DCHS2: variants seen among roughly 807,000 people sequenced by gnomAD.
DCHS2 encodes the protein protocadherin-23.
DCHS2 carries 142 observed loss-of-function variants against 182.4 expected under a neutral mutation model. The ratio of observed to expected loss-of-function variants is 0.78; its 90% CI spans 0.68 to 0.89. The LOEUF (loss-of-function observed/expected upper bound fraction) is 0.89. Ranked by LOEUF, DCHS2 falls within the 40% of genes least tolerant of loss-of-function variation. The pLI is 0.00. For missense variants in DCHS2, 4,319 were observed against 4,198.6 expected, an observed-to-expected ratio of 1.03 and a Z score of -0.79; for synonymous variants, 1,740 against 1,663.3, an observed-to-expected ratio of 1.05 and a Z score of -1.12.
chr4:154,378,225 A>G (rs1489952858), intron 1 of DCHS2, among the ~76,000 whole-genome samples: 3 of 152,144 alleles, frequency 2.0e-5, no homozygotes, highest in Non-Finnish European at 4.4e-5. Flanking sequence ...AGCAAGTGAA[A>G]TTATGAAAGC....
chr4:154,253,794 C>T (rs961420500), intron 16 of DCHS2, among the ~76,000 whole-genome samples: 1 of 152,108 alleles, frequency 6.6e-6, no homozygotes, highest in Non-Finnish European at 1.5e-5. Flanking sequence ...GGTAATTAAT[C>T]CAATATAGCC....
At position 154,235,922 on chromosome 4, in the gene DCHS2, A is replaced by G. The variant is rs1578833163; in HGVS notation, c.8730T>C (p.Gly2910=). Residue 2910 remains glycine, a synonymous_variant, in exon 20 of 20, where the codon GGT becomes GGC. Transcript: ENST00000357232. Reference sequence around the variant, plus strand: ...GGGAGTAAAGAATGACTCCATCAATACCAGCATCTGCATCTGAGGCTTCCA... The same window carrying G: ...GGGAGTAAAGAATGACTCCATCAATGCCAGCATCTGCATCTGAGGCTTCCA... ...GRVEASDADA[G]IDGVILYSLG... is the part of the protein sequence containing the mutation. 1 of 1,614,038 alleles carries G rather than the reference A, an allele frequency of 6.2e-7. No individual in the cohort carries two copies. Among genetic ancestry groups the G allele is most frequent in the Non-Finnish European group, 8.5e-7 (1 of 1,179,954 alleles).
chr4:154,453,434 T>A (rs1232645547), intron 1 of DCHS2, among the ~76,000 whole-genome samples: 3 of 151,960 alleles, frequency 2.0e-5, no homozygotes, highest in African/African-American at 7.3e-5. Context: ...ATTCCAGACA[T>A]CTTCAGAGTA....
At position 154,489,581 on chromosome 4, in the gene DCHS2, A is replaced by G. The variant is rs534743167; in HGVS notation, c.1775T>C (p.Leu592Pro). The change falls in exon 1 of 20, where the codon CTG becomes CCG. Residue 592 changes from leucine to proline, a missense_variant. By Grantham distance (98) the Leu-to-Pro change is moderately conservative. Transcript: ENST00000357232. Reference sequence around the variant, plus strand: ...TGCGGTGTGGACCATCTTTGATTGCAGGGAGCCGAGATTGCAGGGAGCCGA... The same window carrying G: ...TGCGGTGTGGACCATCTTTGATTGCGGGGAGCCGAGATTGCAGGGAGCCGA... ...QLSAPCNLGSLQSKMVHTAEC... is the reference protein window; with the variant it reads ...QLSAPCNLGSPQSKMVHTAEC... 6.4e-7 allele frequency: 1 copy of G among 1,550,688 alleles called. No homozygotes were observed. The highest frequency in any genetic ancestry group is 2.4e-5 in the East Asian group (1 of 40,828).
intron 13 of DCHS2, among the ~76,000 whole-genome samples, chr4:154,271,207 T>C (rs938643939): frequency 6.6e-6 from 1 of 151,870 alleles, no homozygotes; most frequent in Non-Finnish European, 1.5e-5. Flanking sequence ...GTAAGAGAGG[T>C]AGCAAGAGAA....
Position 154,233,613 on chromosome 4 carries a change from C to CA in DCHS2, c.*922dup, listed in dbSNP as rs1190842171. 1 of 151,902 alleles carries CA rather than the reference C, an allele frequency of 6.6e-6. No homozygotes were observed. The highest frequency in any genetic ancestry group is 6.6e-5 in the Admixed American group (1 of 15,246). 9.4% of individuals were successfully genotyped at this position (151,902 alleles called of 1,614,324 possible). Reference sequence around the variant, plus strand: ...CATTGAGTGGATAAATTATTTCACACAAAAAAGTTACTGTATCTAGAAGAA... The same window carrying CA: ...CATTGAGTGGATAAATTATTTCACACAAAAAAAGTTACTGTATCTAGAAGAA... On this transcript the variant is annotated 3_prime_UTR_variant, in exon 20 of 20. Transcript: ENST00000357232.
In DCHS2 at chr4:154,234,786, A is replaced by G; in HGVS notation, c.9866T>C (p.Ile3289Thr). 1 of 1,614,024 alleles carries G rather than the reference A, an allele frequency of 6.2e-7. No individual in the cohort carries two copies. Among genetic ancestry groups the G allele is most frequent in the South Asian group, 1.1e-5 (1 of 91,066 alleles). ...PLITAVAQPG[I>T]KAVPPRMPAV... ...CGGCATTCTTGGTGGGACTGCTTTA[A>G]TCCCAGGCTGGGCTACTGCTGTTAT... The change falls in exon 20 of 20, where the codon ATT becomes ACT. Residue 3289 changes from isoleucine to threonine, a missense_variant. By Grantham distance (89) the Ile-to-Thr change is moderately conservative. Transcript: ENST00000357232.
At chr4:154,435,168 C>A (rs1282233112) in intron 1 of DCHS2, among the ~76,000 whole-genome samples, 2 of 152,152 alleles carry the variant, frequency 1.3e-5, no homozygotes, top group Non-Finnish European at 1.5e-5. Flanking sequence ...ACTATCCTTG[C>A]AATTCTTCTG....
intron 12 of DCHS2, 135 bp from the exon 13 acceptor site, chr4:154,298,843 G>T (rs1043248131): frequency 1.1e-5 from 14 of 1,294,078 alleles, no homozygotes; most frequent in Non-Finnish European, 1.4e-5. Context: ...TAGCACTTTT[G>T]TAAATATTGG....
In DCHS2 at chr4:154,489,625, G is replaced by A. The variant is rs1297290352; in HGVS notation, c.1731C>T (p.Arg577=). The change falls in exon 1 of 20, where the codon CGC becomes CGT. Residue 577 remains arginine, a synonymous_variant. Coordinates refer to ENST00000357232, the MANE Select transcript of DCHS2 (RefSeq NM_001358235.2). ...DEAGSDHAWL[R]YTVVQLSAPC... is the part of the protein sequence containing the mutation. ...GAGCCGAGAGTTGGACTACAGTGTAGCGCAGCCAGGCGTGATCACTGCCTG... is the reference window on the plus strand; with the variant it reads ...GAGCCGAGAGTTGGACTACAGTGTAACGCAGCCAGGCGTGATCACTGCCTG... 6.4e-7 allele frequency: 1 copy of A among 1,551,606 alleles called. No individual in the cohort carries two copies. The highest frequency in any genetic ancestry group is 2.0e-5 in the Admixed American group (1 of 51,012).
intron 16 of DCHS2, among the ~76,000 whole-genome samples, chr4:154,247,564 C>A (rs1477756595): frequency 6.7e-6 from 1 of 148,904 alleles, no homozygotes; most frequent in Non-Finnish European, 1.5e-5. Flanking sequence ...GTCGCTTGAA[C>A]CTGGGAGGCA....
chr4:154,453,572 C>T (rs1325962481), intron 1 of DCHS2, among the ~76,000 whole-genome samples: 1 of 152,132 alleles, frequency 6.6e-6, no homozygotes, highest in Non-Finnish European at 1.5e-5. Flanking sequence ...ATGGTTGACT[C>T]ATCTGCTGGG....
intron 16 of DCHS2, 72 bp downstream of exon 16, chr4:154,255,447 T>C: frequency 6.6e-7 from 1 of 1,514,980 alleles, no homozygotes; most frequent in Non-Finnish European, 8.8e-7. Context: ...CAGGAAGTTA[T>C]GAACAAAACA....
At chr4:154,257,052 A>AT (rs1560989154) in intron 15 of DCHS2, among the ~76,000 whole-genome samples, 5 of 152,156 alleles carry the variant, frequency 3.3e-5, no homozygotes. Context: ...GATCAAGACC[A>AT]TCCTGGCCAA....
chr4:154,255,441 A>G, intron 16 of DCHS2, 78 bp downstream of exon 16: 1 of 1,497,134 alleles, frequency 6.7e-7, no homozygotes, highest in Non-Finnish European at 8.9e-7. Flanking sequence ...ACGTAACAGG[A>G]AGTTATGAAC....
rs534445403 is a variant in DCHS2 at position 154,485,468 on chromosome 4, A to G, written c.2052+3836T>C. On this transcript the variant is annotated intron_variant, in intron 1 of 19. Transcript: ENST00000357232. ...AACACATGGAGAAGGGGTGATCAGC[A>G]AGTGGGAGTCAGGCACATGTCATTC... Among the ~76,000 whole-genome samples, 12 of 152,312 alleles carry G rather than the reference A, an allele frequency of 7.9e-5. 1 individual carries two copies. The highest frequency in any genetic ancestry group is 7.2e-4 in the Admixed American group (11 of 15,298).
chr4:154,479,064 A>G (rs975089722), intron 1 of DCHS2, among the ~76,000 whole-genome samples: 6 of 152,238 alleles, frequency 3.9e-5, no homozygotes, highest in African/African-American at 1.4e-4. Flanking sequence ...TTATAGTTAT[A>G]TGAGGTAAAG....
rs761223624 is a variant in DCHS2, at chr4:154,366,408, C to T, written c.2278G>A (p.Asp760Asn). 3.3e-5 allele frequency: 54 copies of T among 1,613,506 alleles called. No individual in the cohort carries two copies. Among genetic ancestry groups the T allele is most frequent in the Non-Finnish European group, 4.3e-5 (51 of 1,179,852 alleles). Reference protein sequence around the residue: ...GLSAQAFVRVDLEDVNDNHPV... With the variant: ...GLSAQAFVRVNLEDVNDNHPV... ...TGATTATCATTCACGTCCTCCAGGT[C>T]CACACGAACAAAGGCTTGGGCACTT... is the stretch of plus-strand genomic sequence containing the variant. Residue 760 changes from aspartate (D) to asparagine (N), a missense_variant, in exon 3 of 20, where the codon GAC becomes AAC. Asp to Asn is a conservative substitution (Grantham distance 23). Transcript: ENST00000357232.
rs79926611 is a variant in DCHS2, at chr4:154,468,567, T to C, written c.2052+20737A>G. On this transcript the variant is annotated intron_variant, in intron 1 of 19. Coordinates refer to ENST00000357232, the MANE Select transcript of DCHS2 (RefSeq NM_001358235.2). ...GCTCTAAAGTCATGTTTTGATGGGA[T>C]ATCATGTTAATTTATGTTATACTAG... Among the ~76,000 whole-genome samples the C allele has an allele frequency of 9.4e-3, 1,427 of 152,282 alleles. 9 individuals are homozygous for C. Among genetic ancestry groups the C allele is most frequent in the African/African-American group, 0.019 (793 of 41,576 alleles).
Sources: gnomAD v4.1 joint callset for allele counts (sites outside exome capture counted in the v4.1 genomes callset) on GRCh38, gnomAD v4.1.1 for gene constraint, MANE v1.5 for transcripts, NCBI Gene and HGNC (gene_info 2026-07-23, HGNC 2026-07-21) for gene names.